TTC29: variants seen among roughly 807,000 people sequenced by gnomAD.
TTC29 encodes the protein tetratricopeptide repeat protein 29.
A neutral mutation model predicts 58.1 loss-of-function variants in TTC29; 49 were observed. The observed-to-expected ratio is 0.84, with a 90% CI of 0.67 to 1.07. The LOEUF (loss-of-function observed/expected upper bound fraction) is 1.07. Ranked by LOEUF, TTC29 falls within the 50% of genes least tolerant of loss-of-function variation. TTC29 has a pLI of 0.00. For missense variants in TTC29, 582 were observed against 555.6 expected, an observed-to-expected ratio of 1.05 and a Z score of -0.48; for synonymous variants, 209 against 196.8, an observed-to-expected ratio of 1.06 and a Z score of -0.52.
At chr4:146,755,676 G>C (rs894489870) in intron 11 of TTC29, among the ~76,000 whole-genome samples, 1 of 151,368 alleles carries the variant, frequency 6.6e-6, no homozygotes, top group Non-Finnish European at 1.5e-5. Flanking sequence ...TTGGCTTCAT[G>C]ATAGTAACTT....
intron 4 of TTC29, among the ~76,000 whole-genome samples, chr4:146,913,334 C>G (rs189514381): frequency 6.6e-6 from 1 of 152,264 alleles, no homozygotes; most frequent in East Asian, 1.9e-4. Flanking sequence ...GGTCAGAAAT[C>G]CAGAAAAATC....
intron 4 of TTC29, among the ~76,000 whole-genome samples, chr4:146,922,485 A>C (rs1284886636): frequency 6.6e-6 from 1 of 151,748 alleles, no homozygotes; most frequent in Non-Finnish European, 1.5e-5. Flanking sequence ...AAAAGCTTCT[A>C]ATTATAATTA....
chr4:146,897,275 G>A (rs991604190), intron 6 of TTC29, among the ~76,000 whole-genome samples: 15 of 152,128 alleles, frequency 9.9e-5, no homozygotes, highest in African/African-American at 3.6e-4. Flanking sequence ...ATCCAGAACT[G>A]ATCCCCTGCA....
intron 11 of TTC29, among the ~76,000 whole-genome samples, chr4:146,762,235 G>C (rs924493542): frequency 6.6e-6 from 1 of 151,938 alleles, no homozygotes; most frequent in South Asian, 2.1e-4. Flanking sequence ...TGTGTGTCAG[G>C]CTGGCCTGAT....
At chr4:146,840,710 A>G (rs1292158798) in intron 8 of TTC29, among the ~76,000 whole-genome samples, 2 of 152,138 alleles carry the variant, frequency 1.3e-5, no homozygotes, top group Non-Finnish European at 2.9e-5. Flanking sequence ...AAATAAATGA[A>G]TTTCAGATAG....
Position 146,834,032 on chromosome 4 carries a change from T to C in TTC29, c.886-135A>G, listed in dbSNP as rs1561171352. On this transcript the variant is annotated intron_variant, in intron 8 of 12. Transcript: ENST00000325106. ...AAAAATTTTGTTGATTAAAAATTCA[T>C]GTTGGTTTGGTTTATTTTTATCTAT... The C allele has an allele frequency of 1.1e-5, 6 of 562,584 alleles. No homozygotes were observed. In the South Asian group the frequency reaches 1.2e-4, roughly 12 times the overall value. 34.8% of individuals were successfully genotyped at this position (562,584 alleles called of 1,614,324 possible). A position where few individuals can be genotyped will look rare whatever the true frequency, so the allele number is the denominator to read the frequency against.
chr4:146,722,649 C>A (rs776314917), intron 11 of TTC29, among the ~76,000 whole-genome samples: 94 of 152,198 alleles, frequency 6.2e-4, no homozygotes, highest in Middle Eastern at 6.8e-3. Flanking sequence ...GGACCCCTAC[C>A]TTTTACCATA....
intron 6 of TTC29, among the ~76,000 whole-genome samples, chr4:146,880,323 A>G (rs529657770): frequency 6.6e-6 from 1 of 152,246 alleles, no homozygotes; most frequent in East Asian, 1.9e-4. Context: ...GGAGTTTGGC[A>G]TGCATTTATA....
Position 146,872,681 on chromosome 4 carries a change from G to A in TTC29, c.799+2035C>T, listed in dbSNP as rs1428878590. ...CAGGGAAATGCAAATAAAATCTAAA[G>A]TGAGATACCACATTACACCTACTAG... On this transcript the variant is annotated intron_variant, in intron 7 of 12. Coordinates refer to ENST00000325106, the MANE Select transcript of TTC29 (RefSeq NM_031956.4). 2.0e-5 allele frequency among the ~76,000 whole-genome samples: 3 copies of A among 152,002 alleles called. No homozygotes were observed. The East Asian group carries it at 5.8e-4, about 29-fold the overall frequency.
intron 11 of TTC29, among the ~76,000 whole-genome samples, chr4:146,729,799 C>CT (rs1265912256): frequency 6.6e-6 from 1 of 151,988 alleles, no homozygotes; most frequent in East Asian, 1.9e-4. Context: ...CTGTCAAACA[C>CT]TTATAAAACC....
intron 11 of TTC29, among the ~76,000 whole-genome samples, chr4:146,791,934 C>G (rs933318939): frequency 2.6e-5 from 4 of 152,168 alleles, no homozygotes; most frequent in African/African-American, 9.7e-5. Context: ...GCCCCAAACT[C>G]TCTAATTCTG....
intron 11 of TTC29, among the ~76,000 whole-genome samples, chr4:146,783,204 G>A (rs1748750906): frequency 1.3e-5 from 2 of 151,910 alleles, no homozygotes; most frequent in African/African-American, 4.8e-5. Flanking sequence ...TAACATATTT[G>A]TTACTTCACA....
chr4:146,794,802 T>A (rs544519483), intron 11 of TTC29, among the ~76,000 whole-genome samples: 2 of 152,168 alleles, frequency 1.3e-5, no homozygotes, highest in East Asian at 1.9e-4. Flanking sequence ...TTTAAAAAAA[T>A]TTAATTTTAA....
At chr4:146,793,246 G>C (rs899761391) in intron 11 of TTC29, among the ~76,000 whole-genome samples, 4 of 152,152 alleles carry the variant, frequency 2.6e-5, no homozygotes, top group African/African-American at 9.7e-5. Flanking sequence ...ATACTACAGA[G>C]AAATCTTTTG....
At chr4:146,836,252 C>T (rs1402949051) in intron 8 of TTC29, among the ~76,000 whole-genome samples, 1 of 152,228 alleles carries the variant, frequency 6.6e-6, no homozygotes, top group Non-Finnish European at 1.5e-5. Flanking sequence ...AAAGTAAGGA[C>T]AACTGATCTT....
intron 8 of TTC29, among the ~76,000 whole-genome samples, chr4:146,859,321 CTT>C: frequency 6.6e-6 from 1 of 152,272 alleles, no homozygotes; most frequent in Admixed American, 6.5e-5. Flanking sequence ...CATCCTCTCT[CTT>C]GATTCCTCCT....
intron 11 of TTC29, among the ~76,000 whole-genome samples, chr4:146,769,662 C>T (rs1747582681): frequency 6.6e-6 from 1 of 152,018 alleles, no homozygotes; most frequent in South Asian, 2.1e-4. Context: ...GTGATATATT[C>T]TCCATCCAAT....
At chr4:146,719,189 GGT>G (rs60552473) in intron 11 of TTC29, among the ~76,000 whole-genome samples, 21,152 of 143,968 alleles carry the variant, frequency 0.15, 1,478 homozygotes, top group African/African-American at 0.2. Flanking sequence ...TGGCTATTGG[GGT>G]GTGTGTGTGT....
chr4:146,812,092 A>G (rs1189376671), intron 10 of TTC29, among the ~76,000 whole-genome samples: 5 of 152,222 alleles, frequency 3.3e-5, no homozygotes. Context: ...GAAGTAAACT[A>G]TAATTGAGAA....
Sources: allele counts gnomAD v4.1 joint callset (sites outside exome capture counted in the v4.1 genomes callset), GRCh38; gene constraint gnomAD v4.1.1; transcripts MANE v1.5; gene names NCBI Gene and HGNC (gene_info 2026-07-23, HGNC 2026-07-21).